STX1B: variants seen among roughly 807,000 people sequenced by gnomAD.
STX1B encodes the protein syntaxin 1B.
STX1B carries 7 observed loss-of-function variants against 39.4 expected under a neutral mutation model. The observed-to-expected ratio is 0.18, with a 90% CI of 0.10 to 0.33. STX1B has a LOEUF of 0.33. STX1B is among the 10% of genes least tolerant of loss of function. The pLI, the probability that STX1B is intolerant of heterozygous loss-of-function variation, is 1.00. For missense variants in STX1B, 198 were observed against 383.2 expected, an observed-to-expected ratio of 0.52 and a Z score of 4.04; for synonymous variants, 136 against 144.1, an observed-to-expected ratio of 0.94 and a Z score of 0.40.
At chr16:31,006,959 G>GA (rs1484276759) in intron 1 of STX1B, among the ~76,000 whole-genome samples, 1 of 151,988 alleles carries the variant, frequency 6.6e-6, no homozygotes, top group Non-Finnish European at 1.5e-5. Context: ...AAAGCAAAAA[G>GA]AATTAGCCAG....
chr16:31,001,285 C>A lies in STX1B; in HGVS notation c.106-92G>T. ...GCCAGGGTTCAGGGGAATGGACCAG[C>A]CCCAGAACGGCTGATAAAAGGCCAG... is the stretch of plus-strand genomic sequence containing the variant. On this transcript the variant is annotated intron_variant, in intron 2 of 9. Coordinates refer to ENST00000215095, the MANE Select transcript of STX1B (RefSeq NM_052874.5). This position sits in a 1 kb window ranked among gnomAD's most constrained non-coding sequence, Gnocchi z 5.5. The A allele has an allele frequency of 7.9e-7, 1 of 1,272,780 alleles. No individual in the cohort carries two copies. The highest frequency in any genetic ancestry group is 1.1e-6 in the Non-Finnish European group (1 of 891,138). The allele number at this position is 1,272,780 out of a possible 1,614,324, so 78.8% of individuals were successfully genotyped here.
chr16:30,996,517 G>T (rs2056592722), intron 7 of STX1B, 166 bp downstream of exon 7: 1 of 637,656 alleles, frequency 1.6e-6, no homozygotes, highest in South Asian at 1.9e-5. Flanking sequence ...TCCGTCATCT[G>T]ATGGGGGTGC....
chr16:31,007,795 C>T (rs189264765), intron 1 of STX1B, among the ~76,000 whole-genome samples: 113 of 152,298 alleles, frequency 7.4e-4, no homozygotes, highest in Admixed American at 4.6e-3. Flanking sequence ...CACTGCTGGG[C>T]GCCAGGCCCC....
intron 1 of STX1B, among the ~76,000 whole-genome samples, chr16:31,003,080 T>C (rs1271219168): frequency 1.3e-5 from 2 of 152,068 alleles, no homozygotes; most frequent in African/African-American, 2.4e-5. Context: ...GGATCAGCAG[T>C]GCCCCACAGC....
rs534242276 is a variant in STX1B, at chr16:30,993,541, C to T, written c.538-57G>A. 4.1e-5 allele frequency: 65 copies of T among 1,589,930 alleles called. 1 individual carries two copies. The highest frequency in any genetic ancestry group is 3.3e-4 in the South Asian group (30 of 90,586). On this transcript the variant is annotated intron_variant, in intron 7 of 9. Transcript: ENST00000215095. ...CCTTCTCCGCCATGAGCGCCTCCACCGCAGTGGAGTGGCCAGGGTCAAATC... is the reference window on the plus strand; with the variant it reads ...CCTTCTCCGCCATGAGCGCCTCCACTGCAGTGGAGTGGCCAGGGTCAAATC...
rs2056626706 is a variant in STX1B at position 31,001,200 on chromosome 16, C to T, written c.106-7G>A. 1 of 1,612,916 alleles carries T rather than the reference C, an allele frequency of 6.2e-7. No individual in the cohort carries two copies. Among genetic ancestry groups the T allele is most frequent in the Non-Finnish European group, 8.5e-7 (1 of 1,179,912 alleles). ...AGCCCCGGATCTCTTCCACCTGGAG[C>T]AGAAAATCGGCTATACCCAGCCAAG... On this transcript the variant is annotated splice_region_variant and splice_polypyrimidine_tract_variant and intron_variant, in intron 2 of 9. Coordinates refer to ENST00000215095, the MANE Select transcript of STX1B (RefSeq NM_052874.5). The surrounding 1 kb of genome is among the most constrained non-coding windows in gnomAD (Gnocchi z 5.5).
rs931539181 is a variant in STX1B at position 31,001,385 on chromosome 16, T to C, written c.105+144A>G. The C allele has an allele frequency of 1.4e-4, 97 of 714,146 alleles. No homozygotes were observed. The highest frequency in any genetic ancestry group is 1.8e-4 in the Non-Finnish European group (83 of 459,744). 44.2% of individuals were successfully genotyped at this position (714,146 alleles called of 1,614,324 possible). On this transcript the variant is annotated intron_variant, in intron 2 of 9. Coordinates refer to ENST00000215095, the MANE Select transcript of STX1B (RefSeq NM_052874.5). This position sits in a 1 kb window ranked among gnomAD's most constrained non-coding sequence, Gnocchi z 5.5. ...GTGGCTAGGGGCTGGGTGCCGGGGCTGCGGCTGGGCGGTGGGACTAGGGGC... is the reference window on the plus strand; with the variant it reads ...GTGGCTAGGGGCTGGGTGCCGGGGCCGCGGCTGGGCGGTGGGACTAGGGGC...
intron 7 of STX1B, chr16:30,996,161 G>C (rs2056590523): frequency 6.6e-6 from 1 of 151,384 alleles, no homozygotes; most frequent in African/African-American, 2.4e-5. Flanking sequence ...GGTGACAAGA[G>C]CAAAACTCCG....
rs2056561666 is a variant in STX1B, at chr16:30,991,968, C to T, written c.*853G>A. 1 of 151,838 alleles carries T rather than the reference C, an allele frequency of 6.6e-6. No individual in the cohort carries two copies. The highest frequency in any genetic ancestry group is 2.4e-5 in the African/African-American group (1 of 41,248). 9.4% of individuals were successfully genotyped at this position (151,838 alleles called of 1,614,324 possible). ...CGTGCATACACACGCACGCCACACA[C>T]ACACAGCTGCATTCTAGGTAGCAAG... On this transcript the variant is annotated 3_prime_UTR_variant, in exon 10 of 10. Transcript: ENST00000215095.
chr16:31,006,977 G>A (rs1354196210), intron 1 of STX1B, among the ~76,000 whole-genome samples: 1 of 152,128 alleles, frequency 6.6e-6, no homozygotes, highest in Admixed American at 6.6e-5. Context: ...CAGGCATGGT[G>A]GTGCGCATCT....
In STX1B at chr16:30,993,093, C is replaced by A. The variant is rs200366569; in HGVS notation, c.786+37G>T. The A allele has an allele frequency of 1.4e-5, 22 of 1,597,482 alleles. No homozygotes were observed. The East Asian group carries it at 4.7e-4, about 34-fold the overall frequency. On this transcript the variant is annotated intron_variant, in intron 9 of 9. Transcript: ENST00000215095. ...ACCTCAGCCCGGGCTCAGCCTTGGG[C>A]TCCCCCGCCTACCCCCAGGCCGCCT...
chr16:31,000,519 GTCTC>G (rs921728749), intron 4 of STX1B, among the ~76,000 whole-genome samples: 1 of 150,902 alleles, frequency 6.6e-6, no homozygotes, highest in African/African-American at 2.4e-5. Flanking sequence ...TTGAAACAGA[GTCTC>G]TCTCTGTCAC....
intron 1 of STX1B, among the ~76,000 whole-genome samples, chr16:31,006,782 T>C (rs2056656947): frequency 6.6e-6 from 1 of 152,082 alleles, no homozygotes; most frequent in African/African-American, 2.4e-5. Flanking sequence ...GCGAAGGTCC[T>C]TGGACAGGGG....
In STX1B at chr16:30,990,594, G is replaced by A. The variant is rs1419220801; in HGVS notation, c.*2227C>T. ...ACGCTTCACATGACCTGGGACCCTGGGGTCCGCACACACACACCGAGTGCC... is the reference window on the plus strand; with the variant it reads ...ACGCTTCACATGACCTGGGACCCTGAGGTCCGCACACACACACCGAGTGCC... On this transcript the variant is annotated 3_prime_UTR_variant, in exon 10 of 10. Transcript: ENST00000215095. The A allele has an allele frequency of 6.6e-6, 1 of 152,244 alleles. No homozygotes were observed. Among genetic ancestry groups the A allele is most frequent in the Non-Finnish European group, 1.5e-5 (1 of 68,068 alleles). 9.4% of individuals were successfully genotyped at this position (152,244 alleles called of 1,614,324 possible).
chr16:31,010,484 GGGGGCGCCGGGGGGCGCCGCGGCCGCTGC>G lies in STX1B; in HGVS notation c.-117_-89del. The G allele has an allele frequency of 1.0e-6, 1 of 972,752 alleles. No homozygotes were observed. The highest frequency in any genetic ancestry group is 1.3e-6 in the Non-Finnish European group (1 of 752,242). 60.3% of individuals were successfully genotyped at this position (972,752 alleles called of 1,614,324 possible). On this transcript the variant is annotated 5_prime_UTR_variant, in exon 1 of 10. Coordinates refer to ENST00000215095, the MANE Select transcript of STX1B (RefSeq NM_052874.5). ...GCCTCTGTGCCGGAGGCCGGGGTCTGGGGGCGCCGGGGGGCGCCGCGGCCGCTGCGGGGGGCCTGCGGGCGGGGGCGGGG... is the reference window on the plus strand; with the variant it reads ...GCCTCTGTGCCGGAGGCCGGGGTCTGGGGGGGCCTGCGGGCGGGGGCGGGG...
chr16:30,995,976 A>G (rs2143667020), intron 7 of STX1B, among the ~76,000 whole-genome samples: 1 of 152,270 alleles, frequency 6.6e-6, no homozygotes, highest in Non-Finnish European at 1.5e-5. Flanking sequence ...CAGAAGTTTG[A>G]GACCAGCCTG....
In STX1B at chr16:30,992,720, G is replaced by A. The variant is rs2056568630; in HGVS notation, c.*101C>T. On this transcript the variant is annotated 3_prime_UTR_variant, in exon 10 of 10. Transcript: ENST00000215095. Reference sequence around the variant, plus strand: ...GGGTGGGGCTGCCTGGGTCTGTTTTGGGAGTGAGCCTGGAGCAGGGGATGG... The same window carrying A: ...GGGTGGGGCTGCCTGGGTCTGTTTTAGGAGTGAGCCTGGAGCAGGGGATGG... 1.3e-6 allele frequency: 1 copy of A among 753,960 alleles called. No individual in the cohort carries two copies. 46.7% of individuals were successfully genotyped at this position (753,960 alleles called of 1,614,324 possible).
At chr16:31,007,277 T>C (rs1026685080) in intron 1 of STX1B, among the ~76,000 whole-genome samples, 1 of 152,016 alleles carries the variant, frequency 6.6e-6, no homozygotes, top group Admixed American at 6.6e-5. Flanking sequence ...CACGGGGCGG[T>C]CCCTCAGCAG....
intron 1 of STX1B, among the ~76,000 whole-genome samples, chr16:31,005,849 C>T (rs1343428929): frequency 1.3e-5 from 2 of 152,160 alleles, no homozygotes; most frequent in South Asian, 2.1e-4. Context: ...GGACTGCGCA[C>T]ATCAGATCCA....
Sources: gnomAD v4.1 joint callset for allele counts (sites outside exome capture counted in the v4.1 genomes callset) on GRCh38, gnomAD v4.1.1 for gene constraint, Gnocchi (gnomAD v3.1) non-coding constraint, MANE v1.5 for transcripts, NCBI Gene and HGNC (gene_info 2026-07-23, HGNC 2026-07-21) for gene names.